Variants in PLB1 observed in about 807,000 individuals in gnomAD.
The protein encoded by PLB1 is phospholipase B1, also known as phospholipase B1, membrane-associated.
A neutral mutation model predicts 227.4 loss-of-function variants in PLB1; 242 were observed. The ratio of observed to expected loss-of-function variants is 1.06; its 90% confidence interval spans 0.96 to 1.18. The LOEUF (loss-of-function observed/expected upper bound fraction) is 1.18, where lower values mean the gene tolerates loss of function less well. Ranked by LOEUF, PLB1 falls within the 50% of genes most tolerant of loss-of-function variation. PLB1 has a pLI of 0.00. For missense variants in PLB1, 1,858 were observed against 1,816.3 expected (o/e 1.02, Z -0.42); for synonymous variants, 757 against 682.2 (o/e 1.11, Z -1.71).
intron 9 of PLB1, 57 bp from the exon 10 acceptor site, chr2:28,538,262 C>T: frequency 6.2e-7 from 1 of 1,610,264 alleles, no homozygotes; most frequent in Non-Finnish European, 8.5e-7. Context: ...GTCTGGGTGG[C>T]CTCACCTCGT....
chr2:28,590,020 C>T lies in PLB1; in HGVS notation c.2032C>T (p.Gln678Ter), dbSNP rs1004378656. 1 of 1,613,790 alleles carries T rather than the reference C, an allele frequency of 6.2e-7. No homozygotes were observed. The highest frequency in any genetic ancestry group is 8.5e-7 in the Non-Finnish European group (1 of 1,179,728). ...CTTTGTTTAGCTGGAGCCTGTTGGC[C>T]AGAAGACGACTCGTCATAAGTTTGA... ...LWNNMLEPVGQKTTRHKFENK... is the reference protein window; with the variant it reads ...LWNNMLEPVG Residue 678 changes from glutamine to a stop codon, truncating the protein, a stop_gained, in exon 29 of 58, where the codon CAG becomes TAG. Coordinates refer to ENST00000327757, the MANE Select transcript of PLB1 (RefSeq NM_153021.5). LOFTEE classifies it high-confidence loss of function.
chr2:28,540,472 GC>G, intron 12 of PLB1, 31 bp downstream of exon 12: 1 of 1,599,080 alleles, frequency 6.3e-7, no homozygotes, highest in Non-Finnish European at 8.6e-7. Flanking sequence ...CAAGCTGCTG[GC>G]TCACCGGGGT....
intron 43 of PLB1, among the ~76,000 whole-genome samples, chr2:28,608,544 C>T (rs75230274): frequency 3.6e-4 from 55 of 152,310 alleles, no homozygotes; most frequent in African/African-American, 1.2e-3. Flanking sequence ...CTTAACAGCA[C>T]GCCATGGATT....
At chr2:28,525,706 G>A (rs1013020503) in intron 5 of PLB1, among the ~76,000 whole-genome samples, 199 bp from the exon 6 acceptor site, 3 of 152,126 alleles carry the variant, frequency 2.0e-5, no homozygotes, top group African/African-American at 7.2e-5. Flanking sequence ...GCGGAGGAGG[G>A]TCCAGAGAGA....
intron 9 of PLB1, 123 bp from the exon 10 acceptor site, chr2:28,538,196 G>A (rs1044737859): frequency 9.8e-6 from 11 of 1,116,824 alleles, no homozygotes; most frequent in Non-Finnish European, 1.5e-5. Flanking sequence ...TGGAATGCCA[G>A]GTCTAGATGG....
chr2:28,569,980 G>A (rs113034079), intron 20 of PLB1, among the ~76,000 whole-genome samples: 1,418 of 34,422 alleles, frequency 0.041, 340 homozygotes, highest in Middle Eastern at 0.24. Flanking sequence ...AAAAAAAAAA[G>A]AAAGAAAAAA....
intron 22 of PLB1, among the ~76,000 whole-genome samples, chr2:28,579,389 C>T (rs571845710): frequency 5.3e-5 from 8 of 152,282 alleles, no homozygotes; most frequent in African/African-American, 9.6e-5. Flanking sequence ...TGGAAACTGA[C>T]GTGTGTGCTT....
chr2:28,593,972 A>C (rs1286085630), intron 33 of PLB1: 1 of 738,698 alleles, frequency 1.4e-6, no homozygotes, highest in Non-Finnish European at 2.5e-6. Context: ...GATTGTGCAG[A>C]GAAAGTAAAC....
intron 23 of PLB1, among the ~76,000 whole-genome samples, chr2:28,581,095 A>T (rs1679854662): frequency 6.6e-6 from 1 of 152,176 alleles, no homozygotes; most frequent in South Asian, 2.1e-4. Context: ...CATATGTTCC[A>T]TACAGCAGGG....
At chr2:28,629,693 T>G (rs1260617075) in intron 53 of PLB1, among the ~76,000 whole-genome samples, 1 of 152,200 alleles carries the variant, frequency 6.6e-6, no homozygotes, top group Non-Finnish European at 1.5e-5. Flanking sequence ...CTACCAAGAC[T>G]ACCAAGAGCA....
At chr2:28,591,208 A>G (rs2148284649) in intron 30 of PLB1, 37 bp downstream of exon 30, 1 of 1,612,550 alleles carries the variant, frequency 6.2e-7, no homozygotes, top group Non-Finnish European at 8.5e-7. Context: ...TCACCAGGCA[A>G]TGCAATGGGC....
intron 1 of PLB1, among the ~76,000 whole-genome samples, chr2:28,508,724 C>T (rs1268901050): frequency 6.6e-6 from 1 of 152,248 alleles, no homozygotes; most frequent in African/African-American, 2.4e-5. Context: ...TAGTGGAGAG[C>T]AGTGTGGTCC....
At chr2:28,615,014 G>C (rs747347636) in intron 44 of PLB1, among the ~76,000 whole-genome samples, 1 of 152,134 alleles carries the variant, frequency 6.6e-6, no homozygotes, top group African/African-American at 2.4e-5. Context: ...GAGCGTGATG[G>C]GGCTGGGGCA....
chr2:28,523,934 G>T (rs1669882729), intron 4 of PLB1, among the ~76,000 whole-genome samples: 2 of 152,328 alleles, frequency 1.3e-5, no homozygotes, highest in South Asian at 4.1e-4. Flanking sequence ...AACCTGTCGG[G>T]TGTCTTTTTA....
chr2:28,608,259 G>T (rs763019455), intron 43 of PLB1, among the ~76,000 whole-genome samples: 16 of 152,210 alleles, frequency 1.1e-4, no homozygotes, highest in Non-Finnish European at 2.1e-4. Flanking sequence ...TGTGTTCTGA[G>T]CATTCTGCAT....
At chr2:28,550,788 A>T (rs1674122457) in intron 16 of PLB1, among the ~76,000 whole-genome samples, 1 of 150,080 alleles carries the variant, frequency 6.7e-6, no homozygotes, top group African/African-American at 2.5e-5. Flanking sequence ...GGTCCACCCA[A>T]CTCAGCCTCC....
At chr2:28,582,028 G>A in intron 23 of PLB1, 40 bp from the exon 24 acceptor site, 1 of 1,566,520 alleles carries the variant, frequency 6.4e-7, no homozygotes, top group Non-Finnish European at 8.8e-7. Flanking sequence ...GAGAGATTAG[G>A]TGACAAATGG....
chr2:28,535,636 G>A (rs1219386650), intron 9 of PLB1, among the ~76,000 whole-genome samples: 1 of 152,160 alleles, frequency 6.6e-6, no homozygotes, highest in Non-Finnish European at 1.5e-5. Context: ...GTGCTCTGTA[G>A]ATGGCCGGGC....
chr2:28,529,309 C>T lies in PLB1; in HGVS notation c.326-8C>T. The stretch of plus-strand genomic sequence containing the variant: ...AAGGCCAGGGCCTCAAACCAGTTCT[C>T]TCTTTAGTCCTTTCAGACATCATCA... On this transcript the variant is annotated splice_polypyrimidine_tract_variant and splice_region_variant and intron_variant, in intron 6 of 57. Transcript: ENST00000327757. The T allele has an allele frequency of 1.3e-6, 2 of 1,597,964 alleles. No individual in the cohort carries two copies. The highest frequency in any genetic ancestry group is 2.2e-5 in the East Asian group (1 of 44,782).
Sources: gnomAD v4.1 joint callset for allele counts (sites outside exome capture counted in the v4.1 genomes callset) on GRCh38, gnomAD v4.1.1 for gene constraint, MANE v1.5 for transcripts, NCBI Gene and HGNC (gene_info 2026-07-23, HGNC 2026-07-21) for gene names.